The following TBC1D14 variants were observed in gnomAD, a reference collection of about 807,000 sequenced individuals.
The protein encoded by TBC1D14 is TBC1 domain family member 14.
TBC1D14 carries 26 observed loss-of-function variants against 79.0 expected under a neutral mutation model. The observed-to-expected ratio is 0.33, with a 90% CI of 0.24 to 0.46. The LOEUF is 0.46. Among genes scored for constraint, TBC1D14 ranks in the 20% least tolerant of loss-of-function variants. The pLI, the probability that TBC1D14 is intolerant of heterozygous loss-of-function variation, is 1.00. For missense variants in TBC1D14, 769 were observed against 887.6 expected (o/e 0.87, Z 1.70); for synonymous variants, 394 against 349.9 (o/e 1.13, Z -1.40).
intron 4 of TBC1D14, among the ~76,000 whole-genome samples, chr4:6,994,519 C>T (rs150604331): frequency 6.6e-6 from 1 of 152,180 alleles, no homozygotes; most frequent in African/African-American, 2.4e-5. Context: ...CAGGATTTTC[C>T]GTTCAGGTAA....
intron 3 of TBC1D14, among the ~76,000 whole-genome samples, chr4:6,979,573 T>A (rs1315441897): frequency 6.6e-6 from 1 of 152,024 alleles, no homozygotes; most frequent in Non-Finnish European, 1.5e-5. Flanking sequence ...GTGAACTGAT[T>A]TTACCCCTGC....
At position 6,933,251 on chromosome 4, in the gene TBC1D14, CCCCTCCCCTCCCCTCCCTT is replaced by C. The variant is rs1454610016; in HGVS notation, c.722+9144_722+9162del. On this transcript the variant is annotated intron_variant, in intron 2 of 13. Transcript: ENST00000409757. ...CATTGAGAATTACCTCCCCTCCCCT[CCCCTCCCCTCCCCTCCCTT>C]CCCCTCCCCCTTCCCCTTCCCCTTC... Among the ~76,000 whole-genome samples, 76 of 8,480 alleles carry C rather than the reference CCCCTCCCCTCCCCTCCCTT, an allele frequency of 9.0e-3. 8 individuals carry two copies. Among genetic ancestry groups the C allele is most frequent in the Non-Finnish European group, 0.014 (52 of 3,662 alleles). 5.6% of individuals were successfully genotyped at this position (8,480 alleles called of 152,430 possible). A position where few individuals can be genotyped will look rare whatever the true frequency, so the allele number is the denominator to read the frequency against.
chr4:6,990,567 T>C (rs1202436048), intron 3 of TBC1D14, among the ~76,000 whole-genome samples: 3 of 152,212 alleles, frequency 2.0e-5, no homozygotes, highest in Non-Finnish European at 4.4e-5. Context: ...CGGGCATCGA[T>C]GCTTGGTTTA....
At chr4:6,950,438 C>A (rs1468535854) in intron 2 of TBC1D14, among the ~76,000 whole-genome samples, 1 of 152,190 alleles carries the variant, frequency 6.6e-6, no homozygotes, top group Non-Finnish European at 1.5e-5. Context: ...CAGGCTCTCC[C>A]ATTTAGTGCT....
At chr4:6,942,212 A>T (rs915583143) in intron 2 of TBC1D14, among the ~76,000 whole-genome samples, 4 of 151,990 alleles carry the variant, frequency 2.6e-5, no homozygotes, top group African/African-American at 7.2e-5. Flanking sequence ...CATCTTTTTT[A>T]TTTTTAGAAT....
chr4:6,936,490 G>A (rs1467953205), intron 2 of TBC1D14, among the ~76,000 whole-genome samples: 1 of 152,144 alleles, frequency 6.6e-6, no homozygotes, highest in Non-Finnish European at 1.5e-5. Flanking sequence ...ACTCAATGAT[G>A]TTTCACTGCA....
intron 6 of TBC1D14, among the ~76,000 whole-genome samples, chr4:7,000,227 C>G (rs923336459): frequency 2.0e-5 from 3 of 152,196 alleles, no homozygotes; most frequent in African/African-American, 7.2e-5. Flanking sequence ...GGAGACCACT[C>G]TGGTCTGTCC....
chr4:7,010,280 G>A (rs1006812133), intron 10 of TBC1D14, among the ~76,000 whole-genome samples: 2 of 152,206 alleles, frequency 1.3e-5, no homozygotes, highest in African/African-American at 2.4e-5. Context: ...CTGTGGCTTC[G>A]CGGATGTGTG....
chr4:6,967,842 C>T (rs574933510), intron 3 of TBC1D14, among the ~76,000 whole-genome samples: 24 of 152,180 alleles, frequency 1.6e-4, no homozygotes, highest in African/African-American at 5.1e-4. Flanking sequence ...AGGCGAGGGC[C>T]GACATTCCCC....
intron 2 of TBC1D14, among the ~76,000 whole-genome samples, chr4:6,942,288 A>T (rs1321156006): frequency 6.6e-6 from 1 of 152,178 alleles, no homozygotes; most frequent in Non-Finnish European, 1.5e-5. Flanking sequence ...ACATCTTACT[A>T]GATTGCCACA....
At chr4:6,922,471 G>A (rs751421523) in intron 1 of TBC1D14, among the ~76,000 whole-genome samples, 5 of 152,144 alleles carry the variant, frequency 3.3e-5, no homozygotes, top group Non-Finnish European at 7.3e-5. Context: ...TCTTAGACCC[G>A]TTTCTTAGTC....
intron 3 of TBC1D14, among the ~76,000 whole-genome samples, chr4:6,978,753 A>G (rs1308687627): frequency 4.0e-5 from 6 of 150,006 alleles, no homozygotes; most frequent in East Asian, 1.9e-4. Context: ...AAAAAAAAAA[A>G]AAAGAAAAGA....
chr4:7,018,669 TC>T (rs1721516420), intron 12 of TBC1D14, among the ~76,000 whole-genome samples: 1 of 152,210 alleles, frequency 6.6e-6, no homozygotes, highest in African/African-American at 2.4e-5. Flanking sequence ...TCGCTGTCCT[TC>T]CAACACCGCC....
At chr4:7,024,431 C>A (rs1007367320) in intron 12 of TBC1D14, among the ~76,000 whole-genome samples, 3 of 152,178 alleles carry the variant, frequency 2.0e-5, no homozygotes, top group African/African-American at 7.2e-5. Context: ...GAGCCAGGAG[C>A]GTCTGGGAAG....
At chr4:6,970,006 C>T (rs1226091385) in intron 3 of TBC1D14, among the ~76,000 whole-genome samples, 1 of 152,136 alleles carries the variant, frequency 6.6e-6, no homozygotes, top group African/African-American at 2.4e-5. Context: ...GTGGGGAGGC[C>T]TCTGCGCTGC....
At chr4:6,999,409 C>T (rs905967359) in intron 6 of TBC1D14, among the ~76,000 whole-genome samples, 1 of 152,044 alleles carries the variant, frequency 6.6e-6, no homozygotes, top group South Asian at 2.1e-4. Context: ...TCCAGTTCAC[C>T]TTCTTCTCAT....
rs1214748375 is a variant in TBC1D14 at position 6,909,968 on chromosome 4, G to A, written c.-18+17G>A. ...CTAACTCCGGTACTGAGAGCCTCCC[G>A]CGAGGGCCGGGCCGCGGGCCGCGAG... On this transcript the variant is annotated intron_variant, in intron 1 of 13. Transcript: ENST00000409757. 1 of 147,590 alleles carries A rather than the reference G, an allele frequency of 6.8e-6. No homozygotes were observed. The highest frequency in any genetic ancestry group is 2.4e-5 in the African/African-American group (1 of 40,992). 9.1% of individuals were successfully genotyped at this position (147,590 alleles called of 1,614,324 possible).
intron 5 of TBC1D14, 52 bp from the exon 6 acceptor site, chr4:6,999,033 A>C: frequency 1.9e-6 from 3 of 1,549,806 alleles, no homozygotes; most frequent in Non-Finnish European, 2.7e-6. Context: ...CTTGCCTGGA[A>C]ATGGTCCATA....
At chr4:6,993,900 C>T (rs1718749712) in intron 3 of TBC1D14, among the ~76,000 whole-genome samples, 1 of 152,182 alleles carries the variant, frequency 6.6e-6, no homozygotes, top group East Asian at 1.9e-4. Context: ...TTTCCAGCTA[C>T]TTGAGAGGCT....
Sources: gnomAD v4.1 joint callset for allele counts (sites outside exome capture counted in the v4.1 genomes callset) on GRCh38, gnomAD v4.1.1 for gene constraint, MANE v1.5 for transcripts, NCBI Gene and HGNC (gene_info 2026-07-23, HGNC 2026-07-21) for gene names.